The following LVRN variants were observed in gnomAD, a reference collection of about 807,000 sequenced individuals.
LVRN encodes laeverin.
LVRN carries 99 observed loss-of-function variants against 111.4 expected under a neutral mutation model. The ratio of observed to expected loss-of-function variants is 0.89; its 90% CI spans 0.76 to 1.05. The LOEUF (loss-of-function observed/expected upper bound fraction) is 1.05. Among genes scored for constraint, LVRN ranks in the 50% least tolerant of loss-of-function variants. The pLI, the probability that LVRN is intolerant of heterozygous loss-of-function variation, is 0.00. For synonymous variants in LVRN, 488 were observed against 449.5 expected, an observed-to-expected ratio of 1.09 and a Z score of -1.08; for missense variants, 1,414 against 1,206.8, an observed-to-expected ratio of 1.17 and a Z score of -2.54.
Position 115,962,509 on chromosome 5 carries a change from G to A in LVRN, c.-109G>A, listed in dbSNP as rs547197649. 1.1e-3 allele frequency: 1,063 copies of A among 997,780 alleles called. 1 individual carries two copies. Among genetic ancestry groups the A allele is most frequent in the Non-Finnish European group, 1.5e-3 (1,003 of 668,588 alleles). The allele number at this position is 997,780 out of a possible 1,614,324, so 61.8% of individuals were successfully genotyped here. On this transcript the variant is annotated 5_prime_UTR_variant, in exon 1 of 20. Transcript: ENST00000357872. Reference sequence around the variant, plus strand: ...AGGCTCTTCCAGGAGGAAGAGGCACGATACAAGAGAGGAGGGGCAGGGGTC... The same window carrying A: ...AGGCTCTTCCAGGAGGAAGAGGCACAATACAAGAGAGGAGGGGCAGGGGTC...
In LVRN at chr5:116,022,420, T is replaced by C. The variant is rs1748748406; in HGVS notation, c.2786T>C (p.Ile929Thr). The change falls in exon 19 of 20, where the codon ATA becomes ACA. Residue 929 changes from isoleucine to threonine, a missense_variant. By Grantham distance (89) the Ile-to-Thr change is moderately conservative. Coordinates refer to ENST00000357872, the MANE Select transcript of LVRN (RefSeq NM_173800.5). ...RYGTQSLINL[I>T]YTIGRTVTTD... ...GGAACACAATCATTGATTAATCTAATATATACAATAGGGAGAACCGTAACT... is the reference window on the plus strand; with the variant it reads ...GGAACACAATCATTGATTAATCTAACATATACAATAGGGAGAACCGTAACT... 1 of 1,574,850 alleles carries C rather than the reference T, an allele frequency of 6.3e-7. No individual in the cohort carries two copies.
In LVRN at chr5:115,984,632, C is replaced by A; in HGVS notation, c.901C>A (p.Pro301Thr). 1.2e-6 allele frequency: 2 copies of A among 1,613,692 alleles called. No individual in the cohort carries two copies. The highest frequency in any genetic ancestry group is 1.7e-6 in the Non-Finnish European group (2 of 1,179,762). Reference protein sequence around the residue: ...KWTVTTFSTTPHMPTYLVAFV... With the variant: ...KWTVTTFSTTTHMPTYLVAFV... ...GACTGTTACAACCTTTTCCACTACG[C>A]CCCACATGCCAACTTACTTAGTCGC... is the stretch of plus-strand genomic sequence containing the variant. The change falls in exon 3 of 20, where the codon CCC becomes ACC. Residue 301 changes from proline to threonine, a missense_variant. By Grantham distance (38) the Pro-to-Thr change is conservative. Transcript: ENST00000357872.
chr5:115,963,205 G>A lies in LVRN; in HGVS notation c.588G>A (p.Leu196=). The part of the protein sequence containing the change: ...EYMVLELSEP[L]KPGSSYELQL... ...TGGTGCTGGAGCTCAGTGAGCCCCT[G>A]AAACCTGGTAGCAGCTACGAGCTGC... Residue 196 remains leucine (L), a synonymous_variant, in exon 1 of 20, where the codon CTG becomes CTA. Coordinates refer to ENST00000357872, the MANE Select transcript of LVRN (RefSeq NM_173800.5). The A allele has an allele frequency of 6.2e-7, 1 of 1,612,900 alleles. No individual in the cohort carries two copies. The highest frequency in any genetic ancestry group is 1.1e-5 in the South Asian group (1 of 90,930).
intron 1 of LVRN, 54 bp from the exon 2 acceptor site, chr5:115,983,232 TA>T: frequency 6.8e-7 from 1 of 1,467,700 alleles, no homozygotes; most frequent in Non-Finnish European, 9.0e-7. Context: ...AATGTTTTTT[TA>T]TTCCACTGGG....
intron 13 of LVRN, among the ~76,000 whole-genome samples, chr5:116,007,664 A>G (rs1348917431): frequency 6.6e-6 from 1 of 152,204 alleles, no homozygotes; most frequent in Non-Finnish European, 1.5e-5. Context: ...CATATGTACT[A>G]CAGGCATACC....
chr5:116,016,627 CA>C (rs1004783770), intron 18 of LVRN, among the ~76,000 whole-genome samples: 1 of 152,198 alleles, frequency 6.6e-6, no homozygotes, highest in African/African-American at 2.4e-5. Context: ...CTCACTTTTG[CA>C]GACTCACAGT....
At position 115,963,234 on chromosome 5, in the gene LVRN, T is replaced by G; in HGVS notation, c.617T>G (p.Leu206Arg). 6.2e-7 allele frequency: 1 copy of G among 1,612,890 alleles called. No homozygotes were observed. The highest frequency in any genetic ancestry group is 8.5e-7 in the Non-Finnish European group (1 of 1,179,898). The change falls in exon 1 of 20, where the codon CTT becomes CGT. Residue 206 changes from leucine (L) to arginine (R), a missense_variant. Physicochemically the swap from Leu to Arg is moderately radical, Grantham distance 102 (BLOSUM62 -2). Transcript: ENST00000357872. ...CCTGGTAGCAGCTACGAGCTGCAGC[T>G]TAGCTTCTCGGGCCTGGTGAAGGAA... ...LKPGSSYELQ[L>R]SFSGLVKEDL...
chr5:115,990,606 C>G (rs1344833478), intron 4 of LVRN, among the ~76,000 whole-genome samples: 1 of 152,186 alleles, frequency 6.6e-6, no homozygotes, highest in Admixed American at 6.5e-5. Flanking sequence ...GCATCTCACT[C>G]TATCACCCAG....
intron 4 of LVRN, 60 bp downstream of exon 4, chr5:115,987,999 G>A: frequency 6.4e-7 from 1 of 1,563,096 alleles, no homozygotes. Context: ...CCTTGGTTGA[G>A]GCCTCAAGAT....
intron 18 of LVRN, among the ~76,000 whole-genome samples, chr5:116,019,322 G>A (rs1748665369): frequency 1.3e-5 from 2 of 152,232 alleles, no homozygotes; most frequent in Non-Finnish European, 2.9e-5. Flanking sequence ...TAATCTTGTA[G>A]GACCTCCCTC....
chr5:115,971,466 T>C (rs904189183), intron 1 of LVRN, among the ~76,000 whole-genome samples: 1 of 152,150 alleles, frequency 6.6e-6, no homozygotes, highest in African/African-American at 2.4e-5. Flanking sequence ...TAGTTAGGTG[T>C]ATGATCCATT....
chr5:116,012,275 T>C, intron 14 of LVRN, 99 bp from the exon 15 acceptor site: 2 of 679,194 alleles, frequency 2.9e-6, no homozygotes, highest in Non-Finnish European at 5.2e-6. Flanking sequence ...TATCTGCCAC[T>C]TGTCTATCAA....
intron 18 of LVRN, among the ~76,000 whole-genome samples, chr5:116,016,697 A>G (rs1019986359): frequency 2.0e-5 from 3 of 152,220 alleles, no homozygotes; most frequent in African/African-American, 7.2e-5. Context: ...AGAGTTTTCC[A>G]TACAGTTTGA....
At position 116,011,241 on chromosome 5, in the gene LVRN, A is replaced by G. The variant is rs539377981; in HGVS notation, c.2247+347A>G. Among the ~76,000 whole-genome samples, 4 of 151,134 alleles carry G rather than the reference A, an allele frequency of 2.6e-5. No homozygotes were observed. In the South Asian group the frequency reaches 6.3e-4, roughly 24 times the overall value. On this transcript the variant is annotated intron_variant, in intron 14 of 19. Transcript: ENST00000357872. Reference sequence around the variant, plus strand: ...AGTATTTATTAGCAACTATTTTCCTAAGAGATTGTTAGGCAGCCAGAATGA... The same window carrying G: ...AGTATTTATTAGCAACTATTTTCCTGAGAGATTGTTAGGCAGCCAGAATGA...
At chr5:115,978,115 A>T (rs1580379272) in intron 1 of LVRN, among the ~76,000 whole-genome samples, 1 of 152,216 alleles carries the variant, frequency 6.6e-6, no homozygotes, top group African/African-American at 2.4e-5. Flanking sequence ...TGTTTATGCT[A>T]GGAAATCTGG....
At chr5:115,968,742 G>A (rs796591181) in intron 1 of LVRN, among the ~76,000 whole-genome samples, 1 of 152,170 alleles carries the variant, frequency 6.6e-6, no homozygotes, top group Non-Finnish European at 1.5e-5. Flanking sequence ...CCTTCTGACG[G>A]TATAACCCTC....
chr5:116,011,318 C>T (rs1397305572), intron 14 of LVRN, among the ~76,000 whole-genome samples: 1 of 151,232 alleles, frequency 6.6e-6, no homozygotes, highest in Non-Finnish European at 1.5e-5. Flanking sequence ...ATAGGAACAG[C>T]ACTTAAATCC....
intron 3 of LVRN, among the ~76,000 whole-genome samples, chr5:115,987,260 T>G (rs1359482426): frequency 6.6e-6 from 1 of 152,190 alleles, no homozygotes; most frequent in Non-Finnish European, 1.5e-5. Context: ...GCTTTGACAG[T>G]TTTAAAATTA....
At chr5:115,971,504 G>T (rs1237396813) in intron 1 of LVRN, among the ~76,000 whole-genome samples, 2 of 152,036 alleles carry the variant, frequency 1.3e-5, no homozygotes, top group African/African-American at 4.8e-5. Context: ...TATGGTGTGA[G>T]GTATGGATTA....
Sources: gnomAD v4.1 joint callset for allele counts (sites outside exome capture counted in the v4.1 genomes callset) on GRCh38, gnomAD v4.1.1 for gene constraint, MANE v1.5 for transcripts, NCBI Gene and HGNC (gene_info 2026-07-23, HGNC 2026-07-21) for gene names.